Variants in LARP1B observed in about 807,000 individuals in gnomAD.
The protein encoded by LARP1B is la-related protein 1B.
LARP1B carries 76 observed loss-of-function variants against 114.2 expected under a neutral mutation model. The ratio of observed to expected loss-of-function variants is 0.67; its 90% CI spans 0.55 to 0.81. The LOEUF (loss-of-function observed/expected upper bound fraction) is 0.81. Among genes scored for constraint, LARP1B ranks in the 30% least tolerant of loss-of-function variants. The pLI is 0.00. For synonymous variants in LARP1B, 345 were observed against 348.0 expected (o/e 0.99, Z 0.10); for missense variants, 1,014 against 1,075.8 (o/e 0.94, Z 0.80).
chr4:128,122,454 GTTTTGTT>G (rs1275735821), intron 11 of LARP1B: 5 of 1,416,550 alleles, frequency 3.5e-6, no homozygotes, highest in East Asian at 2.8e-5. Flanking sequence ...TTTTTTTTTT[GTTTTGTT>G]TTTTTTTGTT....
chr4:128,152,481 T>C (rs1439821716), intron 11 of LARP1B, among the ~76,000 whole-genome samples: 1 of 152,012 alleles, frequency 6.6e-6, no homozygotes, highest in Non-Finnish European at 1.5e-5. Flanking sequence ...AGATTACAGG[T>C]GTGAGCCACT....
At chr4:128,166,309 A>G (rs1740787605) in intron 12 of LARP1B, among the ~76,000 whole-genome samples, 1 of 151,912 alleles carries the variant, frequency 6.6e-6, no homozygotes, top group African/African-American at 2.4e-5. Context: ...TTTAAAATAT[A>G]TCTAGAATCT....
At chr4:128,081,378 CTT>C (rs35763535) in intron 4 of LARP1B, among the ~76,000 whole-genome samples, 1,821 of 110,612 alleles carry the variant, frequency 0.016, 39 homozygotes, top group African/African-American at 0.054. Flanking sequence ...TGCGCCCGGC[CTT>C]TTTTTTTTTT....
At chr4:128,088,677 A>T (rs1419144660) in intron 5 of LARP1B, among the ~76,000 whole-genome samples, 1 of 152,232 alleles carries the variant, frequency 6.6e-6, no homozygotes, top group African/African-American at 2.4e-5. Context: ...ATATTGGTTC[A>T]TGATCAGGTT....
chr4:128,062,099 G>A (rs977522188), intron 1 of LARP1B: 2 of 985,298 alleles, frequency 2.0e-6, no homozygotes, highest in African/African-American at 3.5e-5. Flanking sequence ...TGGCCCTGCG[G>A]AAAAGCGGCA....
intron 11 of LARP1B, among the ~76,000 whole-genome samples, chr4:128,142,571 C>T (rs1038125774): frequency 3.3e-5 from 5 of 150,738 alleles, no homozygotes; most frequent in Non-Finnish European, 7.4e-5. Context: ...TTCAATGGCG[C>T]GATCTCTGCT....
At chr4:128,136,214 G>T (rs1426799145) in intron 11 of LARP1B, among the ~76,000 whole-genome samples, 2 of 151,722 alleles carry the variant, frequency 1.3e-5, no homozygotes, top group Non-Finnish European at 2.9e-5. Context: ...AATTGCTTGA[G>T]CCCAGGAAGT....
chr4:128,220,408 G>A (rs1211166535), exon 7 of LARP1B: 1 of 925,804 alleles, frequency 1.1e-6, no homozygotes, highest in Non-Finnish European at 1.3e-6. Context: ...ATGGCAAAAC[G>A]GAATGTCAGA....
At chr4:128,173,454 A>G (rs993056397) in intron 12 of LARP1B, among the ~76,000 whole-genome samples, 2 of 152,208 alleles carry the variant, frequency 1.3e-5, no homozygotes, top group Non-Finnish European at 2.9e-5. Context: ...TTTGACGTTC[A>G]CTAAACACTA....
At chr4:128,191,322 G>T (rs1427021972) in intron 15 of LARP1B, among the ~76,000 whole-genome samples, 1 of 152,128 alleles carries the variant, frequency 6.6e-6, no homozygotes, top group Non-Finnish European at 1.5e-5. Context: ...TCTCGTGGAT[G>T]TACATTTGTG....
At chr4:128,078,632 A>G (rs561061985) in intron 4 of LARP1B, among the ~76,000 whole-genome samples, 38 of 152,166 alleles carry the variant, frequency 2.5e-4, no homozygotes, top group African/African-American at 8.7e-4. Flanking sequence ...ATTTTAGTCA[A>G]TCTTTTCCCT....
chr4:128,200,717 T>TCCTAC (rs750385287), intron 17 of LARP1B, 52 bp downstream of exon 17: 17 of 1,333,632 alleles, frequency 1.3e-5, no homozygotes, highest in Admixed American at 4.9e-5. Context: ...TTCTTCTTCT[T>TCCTAC]TTTTTCTTTA....
chr4:128,200,498 A>G, intron 16 of LARP1B, 23 bp from the exon 17 acceptor site: 1 of 1,332,248 alleles, frequency 7.5e-7, no homozygotes, highest in Non-Finnish European at 1.0e-6. Context: ...TAATAAAATA[A>G]TATTTTATTT....
chr4:128,159,990 C>T (rs190541650), intron 11 of LARP1B, among the ~76,000 whole-genome samples: 3 of 152,294 alleles, frequency 2.0e-5, no homozygotes, highest in Admixed American at 6.5e-5. Flanking sequence ...GAATGGATTT[C>T]TTAAAAACTT....
intron 8 of LARP1B, among the ~76,000 whole-genome samples, chr4:128,105,277 ATAGAT>A (rs1781680593): frequency 6.6e-6 from 1 of 152,156 alleles, no homozygotes; most frequent in African/African-American, 2.4e-5. Flanking sequence ...TTTTCATATC[ATAGAT>A]TAGATTAGTC....
chr4:128,220,046 C>T (rs1345051245), intron 6 of LARP1B, among the ~76,000 whole-genome samples: 4 of 151,914 alleles, frequency 2.6e-5, no homozygotes, highest in East Asian at 1.9e-4. Context: ...CCACCACGCC[C>T]GGCTAATTTT....
At chr4:128,183,244 A>C (rs1428999406) in intron 15 of LARP1B, among the ~76,000 whole-genome samples, 1 of 152,236 alleles carries the variant, frequency 6.6e-6, no homozygotes, top group Non-Finnish European at 1.5e-5. Context: ...GAAGCCATCT[A>C]GGACTTTCAT....
intron 11 of LARP1B, among the ~76,000 whole-genome samples, chr4:128,148,231 G>A: frequency 6.6e-6 from 1 of 152,116 alleles, no homozygotes; most frequent in Non-Finnish European, 1.5e-5. Context: ...AGGAGTTTGA[G>A]ACCAGCCTGG....
chr4:128,107,234 C>T lies in LARP1B; in HGVS notation c.909C>T (p.Arg303=). ...EKWPIPGPPP[R]SVPPTDFSQL... is the part of the protein sequence containing the mutation. The stretch of plus-strand genomic sequence containing the variant: ...GGCCAATTCCAGGCCCTCCTCCACG[C>T]AGTGTGCCACCAACAGACTTCTCTC... Residue 303 remains arginine (R), a synonymous_variant, in exon 9 of 20, where the codon CGC becomes CGT. Coordinates refer to ENST00000326639, the MANE Select transcript of LARP1B (RefSeq NM_018078.4). 1 of 1,614,104 alleles carries T rather than the reference C, an allele frequency of 6.2e-7. No individual in the cohort carries two copies.
Sources: allele counts gnomAD v4.1 joint callset (sites outside exome capture counted in the v4.1 genomes callset), GRCh38; gene constraint gnomAD v4.1.1; transcripts MANE v1.5; gene names NCBI Gene and HGNC (gene_info 2026-07-23, HGNC 2026-07-21).